The following ALDH3A1 variants were observed in gnomAD, a reference collection of about 807,000 sequenced individuals.
ALDH3A1 encodes the protein aldehyde dehydrogenase 3 family member A1.
ALDH3A1 carries 46 observed loss-of-function variants against 49.9 expected under a neutral mutation model. That is an observed-to-expected ratio of 0.92 (90% confidence interval 0.73 to 1.18). The LOEUF (loss-of-function observed/expected upper bound fraction) is 1.18. Among genes scored for constraint, ALDH3A1 ranks in the 50% most tolerant of loss-of-function variants. The pLI is 0.00. For synonymous variants in ALDH3A1, 269 were observed against 253.3 expected (o/e 1.06, Z -0.59); for missense variants, 592 against 611.8 (o/e 0.97, Z 0.34).
rs368982561 is a variant in ALDH3A1, at chr17:19,739,071, T to G, written c.1141A>C (p.Thr381Pro). Residue 381 changes from threonine to proline, a missense_variant, in exon 9 of 11, where the codon ACA becomes CCA. Physicochemically the swap from Thr to Pro is conservative, Grantham distance 38 (BLOSUM62 -1). Coordinates refer to ENST00000225740, the MANE Select transcript of ALDH3A1 (RefSeq NM_000691.5). ...TTGGCCGCCACCCCACCACTGGATG[T>G]CTCTGCAATCATCTTCTTAATCACC... ...DKVIKKMIAE[T>P]SSGGVAANDV... 6.2e-7 allele frequency: 1 copy of G among 1,613,622 alleles called. No homozygotes were observed. Among genetic ancestry groups the G allele is most frequent in the Non-Finnish European group, 8.5e-7 (1 of 1,179,890 alleles).
intron 2 of ALDH3A1, 56 bp downstream of exon 2, chr17:19,744,912 C>CCA (rs2086571426): frequency 2.6e-6 from 3 of 1,133,144 alleles, no homozygotes; most frequent in South Asian, 1.8e-5. Flanking sequence ...CCCCTCCCCC[C>CCA]ACGCCCCATC....
Position 19,738,402 on chromosome 17 carries a change from G to C in ALDH3A1, c.1268C>G (p.Ser423Cys), listed in dbSNP as rs777628642. 6.2e-7 allele frequency: 1 copy of C among 1,613,810 alleles called. No individual in the cohort carries two copies. Among genetic ancestry groups the C allele is most frequent in the Non-Finnish European group, 8.5e-7 (1 of 1,179,808 alleles). ...YHGKKSFETF[S>C]HRRSCLVRPL... Reference sequence around the variant, plus strand: ...CCTCACCAGGCAAGAGCGGCGGTGAGAGAAAGTCTCGAAGCTCTTCTTGCC... The same window carrying C: ...CCTCACCAGGCAAGAGCGGCGGTGACAGAAAGTCTCGAAGCTCTTCTTGCC... Residue 423 changes from serine (S) to cysteine (C), a missense_variant, in exon 10 of 11, where the codon TCT becomes TGT. Ser to Cys is a moderately radical substitution (Grantham distance 112, BLOSUM62 -1). Transcript: ENST00000225740.
At position 19,741,168 on chromosome 17, in the gene ALDH3A1, G is replaced by A. The variant is rs762285163; in HGVS notation, c.732C>T (p.Cys244=). 4 of 1,614,004 alleles carry A rather than the reference G, an allele frequency of 2.5e-6. No homozygotes were observed. The highest frequency in any genetic ancestry group is 1.3e-5 in the African/African-American group (1 of 75,030). ...CACAGAGGATGTAGTCAGGGGCCAC[G>A]CAGGTCTGGCCACTGTTCATGAATT... ...WGKFMNSGQT[C]VAPDYILCDP... Residue 244 remains cysteine (C), a synonymous_variant, in exon 6 of 11, where the codon TGC becomes TGT. Coordinates refer to ENST00000225740, the MANE Select transcript of ALDH3A1 (RefSeq NM_000691.5).
intron 9 of ALDH3A1, 39 bp downstream of exon 9, chr17:19,738,957 G>T: frequency 6.3e-7 from 1 of 1,587,092 alleles, no homozygotes; most frequent in Non-Finnish European, 8.6e-7. Flanking sequence ...CCCAGCCCTG[G>T]GGCCCAGAGG....
intron 2 of ALDH3A1, 49 bp downstream of exon 2, chr17:19,744,919 C>CCCCCCCCAA: frequency 7.2e-7 from 1 of 1,385,398 alleles, no homozygotes; most frequent in Non-Finnish European, 9.4e-7. Flanking sequence ...CCCCACGCCC[C>CCCCCCCCAA]ATCGCATGGC....
chr17:19,738,388 A>C lies in ALDH3A1; in HGVS notation c.1282T>G (p.Cys428Gly), dbSNP rs1340169518. ...SFETFSHRRS[C>G]LVRPLMNDEG... is the part of the protein sequence containing the mutation. ...TCATTCATCAGAGGCCTCACCAGGCAAGAGCGGCGGTGAGAGAAAGTCTCG... is the reference window on the plus strand; with the variant it reads ...TCATTCATCAGAGGCCTCACCAGGCCAGAGCGGCGGTGAGAGAAAGTCTCG... Residue 428 changes from cysteine (C) to glycine (G), a missense_variant, in exon 10 of 11, where the codon TGC becomes GGC. Transcript: ENST00000225740. 1 of 1,613,946 alleles carries C rather than the reference A, an allele frequency of 6.2e-7. No homozygotes were observed. Among genetic ancestry groups the C allele is most frequent in the South Asian group, 1.1e-5 (1 of 91,084 alleles).
At chr17:19,738,646 T>C in intron 9 of ALDH3A1, 193 bp from the exon 10 acceptor site, 3 of 826,854 alleles carry the variant, frequency 3.6e-6, no homozygotes, top group Non-Finnish European at 5.5e-6. Flanking sequence ...TTTCTGGGCC[T>C]CCTGAGGGTG....
At position 19,739,005 on chromosome 17, in the gene ALDH3A1, C is replaced by T. The variant is rs763851225; in HGVS notation, c.1207G>A (p.Gly403Arg). The change falls in exon 9 of 11, where the codon GGG becomes AGG. Residue 403 changes from glycine (G) to arginine (R), a missense_variant. Coordinates refer to ENST00000225740, the MANE Select transcript of ALDH3A1 (RefSeq NM_000691.5). The part of the protein sequence containing the change: ...VHITLHSLPF[G>R]GVGNSGMGSY... ...TCAGCCCCAGACTCACCCACGCCCC[C>T]GAAGGGCAGAGAGTGCAAGGTGATG... The T allele has an allele frequency of 1.1e-5, 18 of 1,613,272 alleles. No homozygotes were observed. Among genetic ancestry groups the T allele is most frequent in the Non-Finnish European group, 1.4e-5 (16 of 1,179,896 alleles).
At chr17:19,744,909 C>CCCCCCCCCCCCCCCCCA in intron 2 of ALDH3A1, 59 bp downstream of exon 2, 1 of 1,010,210 alleles carries the variant, frequency 9.9e-7, no homozygotes, top group Non-Finnish European at 1.3e-6. Context: ...CAGCCCCTCC[C>CCCCCCCCCCCCCCCCCA]CCCACGCCCC....
chr17:19,738,308 C>A lies in ALDH3A1; in HGVS notation c.1347+15G>T, dbSNP rs375771662. On this transcript the variant is annotated intron_variant, in intron 10 of 10. Coordinates refer to ENST00000225740, the MANE Select transcript of ALDH3A1 (RefSeq NM_000691.5). ...GCACAGCCCGGTCTCCCCCACAGCGCCTTCCCCCTCTCACCTTGGCCGGGC... is the reference window on the plus strand; with the variant it reads ...GCACAGCCCGGTCTCCCCCACAGCGACTTCCCCCTCTCACCTTGGCCGGGC... 18 of 1,613,604 alleles carry A rather than the reference C, an allele frequency of 1.1e-5. No individual in the cohort carries two copies. Among genetic ancestry groups the A allele is most frequent in the Non-Finnish European group, 1.5e-5 (18 of 1,179,546 alleles).
chr17:19,744,961 T>G lies in ALDH3A1; in HGVS notation c.162+7A>C. 7.8e-7 allele frequency: 1 copy of G among 1,277,252 alleles called. No homozygotes were observed. Among genetic ancestry groups the G allele is most frequent in the East Asian group, 6.0e-5 (1 of 16,694 alleles). The allele number at this position is 1,277,252 out of a possible 1,614,324, so 79.1% of individuals were successfully genotyped here. A position where few individuals can be genotyped will look rare whatever the true frequency, so the allele number is the denominator to read the frequency against. On this transcript the variant is annotated splice_region_variant and intron_variant, in intron 2 of 10. Coordinates refer to ENST00000225740, the MANE Select transcript of ALDH3A1 (RefSeq NM_000691.5). Reference sequence around the variant, plus strand: ...ACTGGCAGAAGGCGGCCGCCCAGCCTGAGCACCTTGTGCAGGTCTGCGGCC... The same window carrying G: ...ACTGGCAGAAGGCGGCCGCCCAGCCGGAGCACCTTGTGCAGGTCTGCGGCC...
intron 7 of ALDH3A1, 57 bp from the exon 8 acceptor site, chr17:19,739,731 A>G (rs1421375027): frequency 1.8e-5 from 29 of 1,586,612 alleles, no homozygotes; most frequent in Non-Finnish European, 2.5e-5. Context: ...GCGGATGGAA[A>G]GTGCAAGCAC....
chr17:19,743,394 G>A lies in ALDH3A1; in HGVS notation c.232C>T (p.Leu78Phe), dbSNP rs2086538823. 13 of 1,614,162 alleles carry A rather than the reference G, an allele frequency of 8.1e-6. No homozygotes were observed. The highest frequency in any genetic ancestry group is 1.1e-5 in the Non-Finnish European group (13 of 1,180,016). Residue 78 changes from leucine to phenylalanine, a missense_variant, in exon 3 of 11, where the codon CTC becomes TTC. By Grantham distance (22) the Leu-to-Phe change is conservative (BLOSUM62 0). Transcript: ENST00000225740. This position sits in a 1 kb window ranked among gnomAD's most constrained non-coding sequence, Gnocchi z 4.4. ...LEEIEYMIQK[L>F]PEWAADEPVE... ...GGCTCATCCGCGGCCCACTCAGGGAGCTTCTGGATCATGTACTCGATCTCC... is the reference window on the plus strand; with the variant it reads ...GGCTCATCCGCGGCCCACTCAGGGAACTTCTGGATCATGTACTCGATCTCC...
chr17:19,746,157 G>A (rs886650549), intron 1 of ALDH3A1, among the ~76,000 whole-genome samples: 15 of 152,204 alleles, frequency 9.9e-5, no homozygotes, highest in African/African-American at 3.6e-4. Flanking sequence ...GGGAGGCTGA[G>A]GTGGGCGGGT....
intron 6 of ALDH3A1, 69 bp from the exon 7 acceptor site, chr17:19,740,546 A>G: frequency 6.4e-7 from 1 of 1,573,262 alleles, no homozygotes; most frequent in Non-Finnish European, 8.7e-7. Context: ...CTGCACAGAC[A>G]CAGGCCAGCA....
At position 19,742,139 on chromosome 17, in the gene ALDH3A1, A is replaced by G. The variant is rs149784212; in HGVS notation, c.554T>C (p.Leu185Pro). 3.3e-5 allele frequency: 53 copies of G among 1,614,094 alleles called. No individual in the cohort carries two copies. The African/African-American group carries it at 5.9e-4, about 18-fold the overall frequency. The change falls in exon 5 of 11, where the codon CTG (leucine) becomes CCG (proline). Residue 185 changes from leucine to proline, a missense_variant. By Grantham distance (98) the Leu-to-Pro change is moderately conservative. Transcript: ENST00000225740. ...ELLKERFDHI[L>P]YTGSTGVGKI... ...CCCCACCCCCGTGCTGCCCGTGTACAGGATATGGTCGAACCTCTCCTTGAG... is the reference window on the plus strand; with the variant it reads ...CCCCACCCCCGTGCTGCCCGTGTACGGGATATGGTCGAACCTCTCCTTGAG...
Position 19,739,561 on chromosome 17 carries a change from T to TG in ALDH3A1, c.1062dup (p.Ile355HisfsTer5), listed in dbSNP as rs759574534. 1.1e-5 allele frequency: 18 copies of TG among 1,613,350 alleles called. No homozygotes were observed. Among genetic ancestry groups the TG allele is most frequent in the Non-Finnish European group, 1.2e-5 (14 of 1,179,854 alleles). On this transcript the variant is annotated frameshift_variant, in exon 8 of 11. Transcript: ENST00000225740. LOFTEE classifies it high-confidence loss of function. Reference sequence around the variant, plus strand: ...GCCAGGGGCTTCTCACGCTGGTTGATGAACTGGATGGCCTCCTCCAGGCTG... The same window carrying TG: ...GCCAGGGGCTTCTCACGCTGGTTGATGGAACTGGATGGCCTCCTCCAGGCTG...
Position 19,739,671 on chromosome 17 carries a change from G to A in ALDH3A1, c.953C>T (p.Pro318Leu), listed in dbSNP as rs1228805609. Reference protein sequence around the residue: ...TGDAATRYIAPTILTDVDPQS... With the variant: ...TGDAATRYIALTILTDVDPQS... Reference sequence around the variant, plus strand: ...GGGGTCCACGTCCGTGAGGATGGTGGGGGCTGAGGCAGGAAACAAGCCAGA... The same window carrying A: ...GGGGTCCACGTCCGTGAGGATGGTGAGGGCTGAGGCAGGAAACAAGCCAGA... Residue 318 changes from proline (P) to leucine (L), a missense_variant, in exon 8 of 11, where the codon CCC (proline) becomes CTC (leucine). Coordinates refer to ENST00000225740, the MANE Select transcript of ALDH3A1 (RefSeq NM_000691.5). The A allele has an allele frequency of 1.2e-6, 2 of 1,613,598 alleles. No homozygotes were observed.
At chr17:19,739,784 G>C (rs939697064) in intron 7 of ALDH3A1, 110 bp from the exon 8 acceptor site, 10 of 1,370,080 alleles carry the variant, frequency 7.3e-6, no homozygotes, top group Middle Eastern at 3.8e-4. Context: ...ACCTGCCCAG[G>C]CTTGGAAAAG....
Sources: gnomAD v4.1 joint callset for allele counts (sites outside exome capture counted in the v4.1 genomes callset) on GRCh38, gnomAD v4.1.1 for gene constraint, Gnocchi (gnomAD v3.1) non-coding constraint, MANE v1.5 for transcripts, NCBI Gene and HGNC (gene_info 2026-07-23, HGNC 2026-07-21) for gene names.